The following SLC25A48 variants were observed in gnomAD, a reference collection of about 807,000 sequenced individuals.
SLC25A48 encodes CTC-321K16.1.
SLC25A48 carries 29 observed loss-of-function variants against 32.2 expected under a neutral mutation model. That is an observed-to-expected ratio of 0.90 (90% CI 0.67 to 1.23). SLC25A48 has a LOEUF of 1.23. Among genes scored for constraint, SLC25A48 ranks in the 50% most tolerant of loss-of-function variants. The pLI, the probability that SLC25A48 is intolerant of heterozygous loss-of-function variation, is 0.00. For synonymous variants in SLC25A48, 164 were observed against 172.3 expected, an observed-to-expected ratio of 0.95 and a Z score of 0.38; for missense variants, 399 against 422.7, an observed-to-expected ratio of 0.94 and a Z score of 0.49.
intron 7 of SLC25A48, among the ~76,000 whole-genome samples, chr5:135,880,583 C>A (rs1204021283): frequency 6.6e-6 from 1 of 152,112 alleles, no homozygotes; most frequent in Admixed American, 6.5e-5. Context: ...CCTCCCATAC[C>A]CTCTTTTTCT....
chr5:135,879,347 A>G (rs1004879545), intron 6 of SLC25A48, among the ~76,000 whole-genome samples: 1 of 152,194 alleles, frequency 6.6e-6, no homozygotes, highest in Non-Finnish European at 1.5e-5. Flanking sequence ...CAACATTCTT[A>G]TCAGGTCAAT....
intron 4 of SLC25A48, among the ~76,000 whole-genome samples, chr5:135,853,487 A>G (rs1256738593): frequency 1.3e-5 from 2 of 152,254 alleles, no homozygotes; most frequent in Non-Finnish European, 2.9e-5. Flanking sequence ...TTTTAACAAC[A>G]TTCACAGAAT....
intron 3 of SLC25A48, among the ~76,000 whole-genome samples, chr5:135,711,420 A>G (rs1425366228): frequency 6.6e-6 from 1 of 152,136 alleles, no homozygotes; most frequent in Non-Finnish European, 1.5e-5. Flanking sequence ...CGTAGCTTCA[A>G]ATATGAACCC....
chr5:135,830,519 T>C (rs949305890), upstream of SLC25A48, among the ~76,000 whole-genome samples: 2 of 152,204 alleles, frequency 1.3e-5, no homozygotes, highest in Admixed American at 6.5e-5. Flanking sequence ...CACTTACCTC[T>C]GCTTCTTGAC....
At chr5:135,743,421 G>T (rs1260300931) in intron 3 of SLC25A48, among the ~76,000 whole-genome samples, 1 of 151,962 alleles carries the variant, frequency 6.6e-6, no homozygotes, top group South Asian at 2.1e-4. Flanking sequence ...CATCTGATGG[G>T]TAGAGGCCAG....
intron 3 of SLC25A48, among the ~76,000 whole-genome samples, chr5:135,674,475 A>G (rs1414272675): frequency 6.6e-6 from 1 of 151,940 alleles, no homozygotes; most frequent in African/African-American, 2.4e-5. Flanking sequence ...CTATCACTCT[A>G]TTCTCTACCT....
chr5:135,789,634 G>A (rs1199602652), intron 3 of SLC25A48, among the ~76,000 whole-genome samples: 4 of 151,230 alleles, frequency 2.6e-5, no homozygotes, highest in Non-Finnish European at 5.9e-5. Flanking sequence ...GGCGGGGGGT[G>A]TACAGCCTTT....
In SLC25A48 at chr5:135,880,072, C is replaced by G. The variant is rs1454134694; in HGVS notation, c.918C>G (p.His306Gln). Residue 306 changes from histidine (H) to glutamine (Q), a missense_variant, in exon 7 of 8, where the codon CAC becomes CAG. Physicochemically the swap from His to Gln is conservative, Grantham distance 24. Transcript: ENST00000681962. ...ELSLQAIRGD[H>Q]AVTSP is the part of the protein sequence containing the mutation. Reference sequence around the variant, plus strand: ...CGCTGCAGGCTATCCGCGGGGACCACGCAGTGACGAGCCCATAAGCGCCAG... The same window carrying G: ...CGCTGCAGGCTATCCGCGGGGACCAGGCAGTGACGAGCCCATAAGCGCCAG... The G allele has an allele frequency of 2.6e-6, 4 of 1,536,026 alleles. No homozygotes were observed. The highest frequency in any genetic ancestry group is 3.5e-6 in the Non-Finnish European group (4 of 1,146,856).
chr5:135,590,882 A>T (rs766938850), intron 1 of SLC25A48, among the ~76,000 whole-genome samples: 2 of 152,236 alleles, frequency 1.3e-5, no homozygotes, highest in South Asian at 2.1e-4. Flanking sequence ...TTCTCAACCC[A>T]TCCCAATGTT....
intron 3 of SLC25A48, among the ~76,000 whole-genome samples, chr5:135,807,518 T>C (rs911098332): frequency 4.0e-5 from 6 of 150,584 alleles, no homozygotes; most frequent in African/African-American, 1.5e-4. Context: ...GATTTATTAT[T>C]AGTATCACAG....
chr5:135,728,841 T>TACACACACACACACACAC lies in SLC25A48; in HGVS notation c.-520-83656_-520-83639dup, dbSNP rs33918902. Among the ~76,000 whole-genome samples the TACACACACACACACACAC allele has an allele frequency of 1.4e-3, 195 of 141,654 alleles. 3 individuals carry two copies. Among genetic ancestry groups the TACACACACACACACACAC allele is most frequent in the East Asian group, 7.2e-3 (33 of 4,604 alleles). The allele number at this position is 141,654 out of a possible 152,430, so 92.9% of individuals were successfully genotyped here. On this transcript the variant is annotated intron_variant, in intron 3 of 10. Transcript: ENST00000646290. ...AATTTCCCCTGAACACATACACAAA[T>TACACACACACACACACAC]ACACACACACACACACACACACACA...
intron 3 of SLC25A48, among the ~76,000 whole-genome samples, chr5:135,703,964 G>T (rs1457237680): frequency 1.3e-5 from 2 of 152,212 alleles, no homozygotes; most frequent in Non-Finnish European, 2.9e-5. Flanking sequence ...CTCAGTGTTT[G>T]GTGTTTACAG....
chr5:135,766,497 G>A (rs1435964894), intron 3 of SLC25A48, among the ~76,000 whole-genome samples: 2 of 151,342 alleles, frequency 1.3e-5, no homozygotes, highest in Non-Finnish European at 3.0e-5. Flanking sequence ...TATCCAGGGG[G>A]GAGAGGGTAA....
intron 3 of SLC25A48, among the ~76,000 whole-genome samples, chr5:135,692,747 G>C (rs1754176286): frequency 6.6e-6 from 1 of 152,186 alleles, no homozygotes; most frequent in Non-Finnish European, 1.5e-5. Flanking sequence ...ATGCAATGCA[G>C]CCATCCATGG....
intron 3 of SLC25A48, among the ~76,000 whole-genome samples, chr5:135,643,076 C>T (rs879673619): frequency 3.3e-5 from 5 of 152,186 alleles, no homozygotes; most frequent in South Asian, 2.1e-4. Flanking sequence ...GTCTGGGGTG[C>T]GCTGAATAGA....
At chr5:135,632,624 G>C (rs1448291930) in intron 2 of SLC25A48, among the ~76,000 whole-genome samples, 1 of 152,120 alleles carries the variant, frequency 6.6e-6, no homozygotes, top group Admixed American at 6.5e-5. Context: ...AAAACAGAGA[G>C]GAGCCTGGGC....
intron 3 of SLC25A48, among the ~76,000 whole-genome samples, chr5:135,695,641 C>G (rs530377031): frequency 3.7e-4 from 57 of 152,350 alleles, no homozygotes; most frequent in African/African-American, 1.3e-3. Context: ...GGCCAGCCCC[C>G]ACCTCGGGCA....
At chr5:135,641,222 A>T (rs566081996) in intron 3 of SLC25A48, among the ~76,000 whole-genome samples, 3 of 152,316 alleles carry the variant, frequency 2.0e-5, no homozygotes, top group African/African-American at 7.2e-5. Flanking sequence ...TTCGATTTGA[A>T]ATATAGGGTT....
chr5:135,667,658 G>A (rs1753555947), intron 3 of SLC25A48, among the ~76,000 whole-genome samples: 1 of 152,114 alleles, frequency 6.6e-6, no homozygotes, highest in Non-Finnish European at 1.5e-5. Flanking sequence ...TGAATACCTT[G>A]TCTTACTGCT....
Sources: allele counts gnomAD v4.1 joint callset (sites outside exome capture counted in the v4.1 genomes callset), GRCh38; gene constraint gnomAD v4.1.1; transcripts MANE v1.5; gene names NCBI Gene and HGNC (gene_info 2026-07-23, HGNC 2026-07-21).